The following MGST3 variants were observed in gnomAD, a reference collection of about 807,000 sequenced individuals.
MGST3 encodes the protein glutathione S-transferase 3, mitochondrial.
MGST3 carries 13 observed loss-of-function variants against 15.8 expected under a neutral mutation model. The observed-to-expected ratio is 0.82, with a 90% confidence interval of 0.54 to 1.31. MGST3 has a LOEUF of 1.31. Ranked by LOEUF, MGST3 falls within the 50% of genes most tolerant of loss-of-function variation. The probability of loss-of-function intolerance (pLI) is 0.00; values close to 1 mark genes in which losing one functional copy is unlikely to be tolerated. For synonymous variants in MGST3, 49 were observed against 68.1 expected, an observed-to-expected ratio of 0.72 and a Z score of 1.38; for missense variants, 155 against 192.4, an observed-to-expected ratio of 0.81 and a Z score of 1.15.
intron 1 of MGST3, among the ~76,000 whole-genome samples, chr1:165,639,204 G>C (rs16848502): frequency 0.14 from 21,457 of 152,112 alleles, 2,434 homozygotes; most frequent in African/African-American, 0.3. Flanking sequence ...TCAATTGAAC[G>C]TTGCAGAGGA....
intron 1 of MGST3, among the ~76,000 whole-genome samples, chr1:165,639,071 T>C (rs901959787): frequency 4.6e-5 from 7 of 152,230 alleles, no homozygotes; most frequent in African/African-American, 1.7e-4. Context: ...GCAGATGGTA[T>C]GATCCTCTAT....
intron 4 of MGST3, among the ~76,000 whole-genome samples, chr1:165,653,487 C>G (rs942494840): frequency 5.9e-5 from 9 of 152,016 alleles, no homozygotes; most frequent in African/African-American, 2.2e-4. Flanking sequence ...TTAATGTTAC[C>G]CAAAATCAAC....
At chr1:165,652,599 G>T (rs4314865) in intron 4 of MGST3, among the ~76,000 whole-genome samples, 5 of 152,118 alleles carry the variant, frequency 3.3e-5, no homozygotes, top group African/African-American at 1.2e-4. Flanking sequence ...GGTCAGGGAG[G>T]GGGGCTTTGC....
intron 1 of MGST3, among the ~76,000 whole-genome samples, chr1:165,642,773 G>A (rs1227995261): frequency 6.6e-6 from 1 of 152,128 alleles, no homozygotes; most frequent in African/African-American, 2.4e-5. Context: ...ATATTCCCAA[G>A]GACACTCAAC....
intron 2 of MGST3, chr1:165,650,439 C>T (rs1228078032): frequency 1.4e-5 from 3 of 208,840 alleles, no homozygotes; most frequent in Admixed American, 5.3e-5. Context: ...TTTAGGTGAT[C>T]TAGAAGGGAT....
At chr1:165,633,673 G>A (rs1188169831) in intron 1 of MGST3, among the ~76,000 whole-genome samples, 1 of 152,046 alleles carries the variant, frequency 6.6e-6, no homozygotes, top group Non-Finnish European at 1.5e-5. Context: ...GTACCCTAAC[G>A]GGCATTCAGC....
intron 3 of MGST3, chr1:165,651,639 C>G (rs903003609): frequency 9.0e-6 from 3 of 332,170 alleles, no homozygotes; most frequent in Non-Finnish European, 1.7e-5. Flanking sequence ...GAGGTGGGCT[C>G]ACACCTGTAA....
intron 1 of MGST3, 55 bp from the exon 2 acceptor site, chr1:165,649,786 A>G (rs900371987): frequency 3.5e-5 from 56 of 1,612,026 alleles, no homozygotes; most frequent in South Asian, 3.1e-4. Context: ...AAGGCTTCAC[A>G]CCATGAAATA....
intron 1 of MGST3, chr1:165,645,632 G>A (rs1648377829): frequency 6.6e-6 from 1 of 152,102 alleles, no homozygotes; most frequent in African/African-American, 2.4e-5. Flanking sequence ...CAGCGCAGTA[G>A]GTTTGTTTAC....
At chr1:165,634,736 A>G (rs9333392) in intron 1 of MGST3, among the ~76,000 whole-genome samples, 89,677 of 130,550 alleles carry the variant, frequency 0.69, 30,382 homozygotes, top group East Asian at 0.83. Flanking sequence ...TCTCTCAATC[A>G]TGCGCTCTCT....
In MGST3 at chr1:165,636,238, A is replaced by G. The variant is rs77995120; in HGVS notation, c.-8+4945A>G. 9.8e-3 allele frequency among the ~76,000 whole-genome samples: 1,488 copies of G among 152,218 alleles called. 52 individuals carry two copies. Among genetic ancestry groups the G allele is most frequent in the Admixed American group, 0.059 (902 of 15,284 alleles). On this transcript the variant is annotated intron_variant, in intron 1 of 5. Transcript: ENST00000367889. Reference sequence around the variant, plus strand: ...TGTTGTCATTTTGAGGTGGGGTTTCACCATGTTGCCCAGGCTAGACTCAAA... The same window carrying G: ...TGTTGTCATTTTGAGGTGGGGTTTCGCCATGTTGCCCAGGCTAGACTCAAA...
At chr1:165,632,177 T>C (rs1647971190) in intron 1 of MGST3, 2 of 1,492,434 alleles carry the variant, frequency 1.3e-6, no homozygotes, top group Non-Finnish European at 1.9e-6. Context: ...GAAAAGCAGA[T>C]ACTAGGATGG....
intron 1 of MGST3, among the ~76,000 whole-genome samples, chr1:165,633,011 A>T (rs1348840147): frequency 6.6e-6 from 1 of 152,240 alleles, no homozygotes; most frequent in Non-Finnish European, 1.5e-5. Context: ...TTCTGAATCT[A>T]TATTTAGAAC....
intron 1 of MGST3, among the ~76,000 whole-genome samples, chr1:165,633,151 C>CA (rs1352710818): frequency 7.2e-5 from 11 of 152,146 alleles, no homozygotes; most frequent in African/African-American, 2.6e-4. Context: ...TCTTCCTGAA[C>CA]AAAAAATTTA....
chr1:165,632,136 G>T, intron 1 of MGST3: 1 of 1,030,006 alleles, frequency 9.7e-7, no homozygotes. Context: ...AATAGCGTCG[G>T]GGGCAAGTAA....
At chr1:165,646,263 G>A (rs1286605068) in intron 1 of MGST3, 1 of 152,170 alleles carries the variant, frequency 6.6e-6, no homozygotes, top group East Asian at 1.9e-4. Flanking sequence ...CCTTCCTGGT[G>A]CACACCCGCA....
intron 2 of MGST3, chr1:165,650,402 G>T: frequency 4.1e-6 from 1 of 246,864 alleles, no homozygotes. Context: ...GACATAGGAA[G>T]GTGGTCTATT....
chr1:165,634,643 C>A (rs759516758), intron 1 of MGST3, among the ~76,000 whole-genome samples: 4 of 152,002 alleles, frequency 2.6e-5, no homozygotes, highest in Non-Finnish European at 5.9e-5. Flanking sequence ...TCTTCAGATC[C>A]TTTGTCGCAA....
chr1:165,649,651 T>C, intron 1 of MGST3, 190 bp from the exon 2 acceptor site: 5 of 631,274 alleles, frequency 7.9e-6, no homozygotes. Context: ...ACTGCATAGT[T>C]GAGTAATTTT....
Sources: gnomAD v4.1 joint callset for allele counts (sites outside exome capture counted in the v4.1 genomes callset) on GRCh38, gnomAD v4.1.1 for gene constraint, MANE v1.5 for transcripts, NCBI Gene and HGNC (gene_info 2026-07-23, HGNC 2026-07-21) for gene names.